PACSIN3: variants seen among roughly 807,000 people sequenced by gnomAD.
The protein encoded by PACSIN3 is protein kinase C and casein kinase substrate in neurons protein 3.
A neutral mutation model predicts 56.1 loss-of-function variants in PACSIN3; 34 were observed. That is an observed-to-expected ratio of 0.61 (90% CI 0.46 to 0.81). The LOEUF is 0.81. PACSIN3 is among the 30% of genes least tolerant of loss of function. The pLI, the probability that PACSIN3 is intolerant of heterozygous loss-of-function variation, is 0.00. For missense variants in PACSIN3, 535 were observed against 592.4 expected (o/e 0.90, Z 1.01); for synonymous variants, 218 against 229.8 (o/e 0.95, Z 0.46).
chr11:47,179,342 C>T lies in PACSIN3; in HGVS notation c.780-63G>A. On this transcript the variant is annotated intron_variant, in intron 7 of 10. Coordinates refer to ENST00000298838, the MANE Select transcript of PACSIN3 (RefSeq NM_016223.5). This position sits in a 1 kb window ranked among gnomAD's most constrained non-coding sequence, Gnocchi z 4.4. Reference sequence around the variant, plus strand: ...AGACCCTGCATCCCTCAGTCCCAGCCAGGGCCTCGGGGAGATGGAGGAGAC... The same window carrying T: ...AGACCCTGCATCCCTCAGTCCCAGCTAGGGCCTCGGGGAGATGGAGGAGAC... The T allele has an allele frequency of 5.6e-6, 9 of 1,613,438 alleles. No homozygotes were observed. The highest frequency in any genetic ancestry group is 1.1e-5 in the South Asian group (1 of 91,072).
Position 47,178,245 on chromosome 11 carries a change from T to C in PACSIN3, c.1159+121A>G. The C allele has an allele frequency of 7.1e-7, 1 of 1,400,566 alleles. No homozygotes were observed. Among genetic ancestry groups the C allele is most frequent in the South Asian group, 1.3e-5 (1 of 77,972 alleles). 86.8% of individuals were successfully genotyped at this position (1,400,566 alleles called of 1,614,324 possible). On this transcript the variant is annotated intron_variant, in intron 10 of 10. Coordinates refer to ENST00000298838, the MANE Select transcript of PACSIN3 (RefSeq NM_016223.5). This position sits in a 1 kb window ranked among gnomAD's most constrained non-coding sequence, Gnocchi z 4.2. ...CCACCAGGCACCAGCTATCTGGACC[T>C]GGAACAGCTGAAGGGACAGAGGACT...
rs759893619 is a variant in PACSIN3 at position 47,182,394 on chromosome 11, C to CT, written c.211+8dup. ...GCTGCCCTCTGCCCCCTGCGAGGGC[C>CT]TGGCTCACCCTTCTCCACGGTCCCC... On this transcript the variant is annotated intron_variant, in intron 4 of 10. Coordinates refer to ENST00000298838, the MANE Select transcript of PACSIN3 (RefSeq NM_016223.5). 4.4e-6 allele frequency: 7 copies of CT among 1,590,966 alleles called. No individual in the cohort carries two copies. In the South Asian group the frequency reaches 7.7e-5, roughly 18 times the overall value.
chr11:47,182,290 C>T, intron 4 of PACSIN3, 113 bp downstream of exon 4: 1 of 1,016,486 alleles, frequency 9.8e-7, no homozygotes, highest in Non-Finnish European at 1.4e-6. Context: ...TCTTCCCTTT[C>T]TAAGGGAGGG....
chr11:47,182,963 C>T (rs566552421), intron 2 of PACSIN3, 41 bp downstream of exon 2: 3 of 479,214 alleles, frequency 6.3e-6, no homozygotes, highest in South Asian at 7.5e-5. Context: ...AAAGCTCTTC[C>T]TCTCACTGCT....
intron 1 of PACSIN3, chr11:47,185,247 G>A (rs1197696301): frequency 6.6e-6 from 1 of 152,312 alleles, no homozygotes; most frequent in African/African-American, 2.4e-5. Flanking sequence ...CTGGTTCAGG[G>A]AAGACCCAGT....
chr11:47,179,262 C>T lies in PACSIN3; in HGVS notation c.797G>A (p.Arg266His), dbSNP rs373614899. The T allele has an allele frequency of 2.5e-6, 4 of 1,614,056 alleles. No homozygotes were observed. The highest frequency in any genetic ancestry group is 2.5e-6 in the Non-Finnish European group (3 of 1,180,036). The change falls in exon 8 of 11, where the codon CGT (arginine) becomes CAT (histidine). Residue 266 changes from arginine (R) to histidine (H), a missense_variant. By Grantham distance (29) the Arg-to-His change is conservative. Coordinates refer to ENST00000298838, the MANE Select transcript of PACSIN3 (RefSeq NM_016223.5). The surrounding 1 kb of genome is among the most constrained non-coding windows in gnomAD (Gnocchi z 4.4). ...TGCCTCAATGCCCTGGTGCAAGTCA[C>T]GGTGGAGTTCATGGAACCTATGACC... ...SSSEKFHELH[R>H]DLHQGIEAAS...
At position 47,180,474 on chromosome 11, in the gene PACSIN3, C is replaced by T; in HGVS notation, c.428G>A (p.Trp143Ter). The T allele has an allele frequency of 6.2e-7, 1 of 1,601,420 alleles. No homozygotes were observed. The highest frequency in any genetic ancestry group is 8.5e-7 in the Non-Finnish European group (1 of 1,176,540). ...CCTCACCTCCTTCAGCCTCTTCAGC[C>T]AGGGCTTCTGGGCCTTGCGGAAGCC... ...EDGFRKAQKP[W>*]LKRLKEVEAS... is the part of the protein sequence containing the mutation. Residue 143 changes from tryptophan to a stop codon, truncating the protein, a stop_gained, in exon 5 of 11, where the codon TGG becomes TAG. Coordinates refer to ENST00000298838, the MANE Select transcript of PACSIN3 (RefSeq NM_016223.5). LOFTEE classifies it high-confidence loss of function.
In PACSIN3 at chr11:47,178,592, GGA is replaced by G; in HGVS notation, c.1038-107_1038-106del. The G allele has an allele frequency of 1.4e-6, 2 of 1,412,540 alleles. No homozygotes were observed. Among genetic ancestry groups the G allele is most frequent in the South Asian group, 2.7e-5 (2 of 75,406 alleles). 87.5% of individuals were successfully genotyped at this position (1,412,540 alleles called of 1,614,324 possible). A position where few individuals can be genotyped will look rare whatever the true frequency, so the allele number is the denominator to read the frequency against. On this transcript the variant is annotated intron_variant, in intron 9 of 10. Transcript: ENST00000298838. The surrounding 1 kb of genome is among the most constrained non-coding windows in gnomAD (Gnocchi z 4.2). Reference sequence around the variant, plus strand: ...GCCTCCCTACCCCCAGAGGCACCTGGGAGAGTCAGGTGAGGTACTAAAGATTC... The same window carrying G: ...GCCTCCCTACCCCCAGAGGCACCTGGGAGTCAGGTGAGGTACTAAAGATTC...
rs900714826 is a variant in PACSIN3 at position 47,186,032 on chromosome 11, C to T, written c.-104+317G>A. On this transcript the variant is annotated intron_variant, in intron 1 of 10. Coordinates refer to ENST00000298838, the MANE Select transcript of PACSIN3 (RefSeq NM_016223.5). This position sits in a 1 kb window ranked among gnomAD's most constrained non-coding sequence, Gnocchi z 4.5. ...GCGAGGGATCGCCAGGGAGCGAGGACCCTCTGGGGCCTCGGGGCGGGCGCG... is the reference window on the plus strand; with the variant it reads ...GCGAGGGATCGCCAGGGAGCGAGGATCCTCTGGGGCCTCGGGGCGGGCGCG... Among the ~76,000 whole-genome samples the T allele has an allele frequency of 8.5e-5, 13 of 152,184 alleles. No individual in the cohort carries two copies. Among genetic ancestry groups the T allele is most frequent in the Admixed American group, 4.6e-4 (7 of 15,302 alleles).
Position 47,179,031 on chromosome 11 carries a change from CTG to C in PACSIN3, c.901-3_901-2del. 6.2e-7 allele frequency: 1 copy of C among 1,614,142 alleles called. No individual in the cohort carries two copies. Among genetic ancestry groups the C allele is most frequent in the South Asian group, 1.1e-5 (1 of 91,088 alleles). ...TCCTCTGTGTGTCCAAGGACCACTC[CTG>C]TGGGGACAGTGCTTATAGTCAGGTG... On this transcript the variant is annotated splice_acceptor_variant and splice_polypyrimidine_tract_variant and intron_variant, in intron 8 of 10. Coordinates refer to ENST00000298838, the MANE Select transcript of PACSIN3 (RefSeq NM_016223.5). LOFTEE classifies it high-confidence loss of function. The surrounding 1 kb of genome is among the most constrained non-coding windows in gnomAD (Gnocchi z 4.4).
Position 47,179,719 on chromosome 11 carries a change from G to C in PACSIN3, c.604-133C>G. 1.3e-6 allele frequency: 1 copy of C among 779,318 alleles called. No individual in the cohort carries two copies. Among genetic ancestry groups the C allele is most frequent in the Non-Finnish European group, 2.0e-6 (1 of 498,276 alleles). 48.3% of individuals were successfully genotyped at this position (779,318 alleles called of 1,614,324 possible). A position where few individuals can be genotyped will look rare whatever the true frequency, so the allele number is the denominator to read the frequency against. On this transcript the variant is annotated intron_variant, in intron 6 of 10. Transcript: ENST00000298838. The surrounding 1 kb of genome is among the most constrained non-coding windows in gnomAD (Gnocchi z 4.4). ...TAGGGGCAATCAGTCCCAAGACCCA[G>C]CTCCTGCCCTCAAGGACCCCAGCAG...
At position 47,180,547 on chromosome 11, in the gene PACSIN3, G is replaced by T. The variant is rs1953001791; in HGVS notation, c.355C>A (p.His119Asn). ...CGGAAGCCGCCCAGCACAGGCCGGT[G>T]GAAAGCCCCCCGCTGCCAGGCGCGC... ...RVRAWQRGAF[H>N]RPVLGGFRES... is the part of the protein sequence containing the mutation. The change falls in exon 5 of 11, where the codon CAC (histidine) becomes AAC (asparagine). Residue 119 changes from histidine (H) to asparagine (N), a missense_variant. Coordinates refer to ENST00000298838, the MANE Select transcript of PACSIN3 (RefSeq NM_016223.5). The T allele has an allele frequency of 6.2e-7, 1 of 1,604,006 alleles. No individual in the cohort carries two copies. Among genetic ancestry groups the T allele is most frequent in the Admixed American group, 1.7e-5 (1 of 59,998 alleles).
rs778019388 is a variant in PACSIN3, at chr11:47,182,579, G to T, written c.55-20C>A. 7 of 1,606,380 alleles carry T rather than the reference G, an allele frequency of 4.4e-6. No homozygotes were observed. In the East Asian group the frequency reaches 1.6e-4, roughly 36 times the overall value. On this transcript the variant is annotated intron_variant, in intron 3 of 10. Coordinates refer to ENST00000298838, the MANE Select transcript of PACSIN3 (RefSeq NM_016223.5). ...GCCAGCCTGGGCATACAGGAAAAGG[G>T]TGCCATCACCAGGGAGAAGCTTCCT...
chr11:47,181,531 C>T (rs1299490651), intron 4 of PACSIN3, among the ~76,000 whole-genome samples: 2 of 151,724 alleles, frequency 1.3e-5, no homozygotes, highest in African/African-American at 2.4e-5. Context: ...GTGGCTCATG[C>T]CTGTAATCCA....
chr11:47,185,217 C>A (rs1244335811), intron 1 of PACSIN3: 1 of 152,362 alleles, frequency 6.6e-6, no homozygotes, highest in African/African-American at 2.4e-5. Context: ...TGCAGCTGCA[C>A]GGGCCAAGGT....
Position 47,178,971 on chromosome 11 carries a change from A to T in PACSIN3, c.960T>A (p.Pro320=). The part of the protein sequence containing the change: ...ISRKEKGGRS[P]DEVTLTSIVP... ...CAATGCTGGTCAGGGTAACCTCATC[A>T]GGGCTCCGGCCACCCTTCTCTTTCC... is the stretch of plus-strand genomic sequence containing the variant. Residue 320 remains proline (P), a synonymous_variant, in exon 9 of 11, where the codon CCT becomes CCA. Coordinates refer to ENST00000298838, the MANE Select transcript of PACSIN3 (RefSeq NM_016223.5). This position sits in a 1 kb window ranked among gnomAD's most constrained non-coding sequence, Gnocchi z 4.2. 6.2e-7 allele frequency: 1 copy of T among 1,614,052 alleles called. No individual in the cohort carries two copies. Among genetic ancestry groups the T allele is most frequent in the Non-Finnish European group, 8.5e-7 (1 of 1,179,986 alleles).
intron 1 of PACSIN3, among the ~76,000 whole-genome samples, chr11:47,183,637 G>C (rs994321985): frequency 6.6e-6 from 1 of 152,212 alleles, no homozygotes; most frequent in Non-Finnish European, 1.5e-5. Context: ...GGCCCGCAAG[G>C]CTCCGTGGGG....
rs1053574727 is a variant in PACSIN3 at position 47,182,502 on chromosome 11, C to A, written c.112G>T (p.Asp38Tyr). ...RVEDGHRLCGDLVSCFQERAR... is the reference protein window; with the variant it reads ...RVEDGHRLCGYLVSCFQERAR... The stretch of plus-strand genomic sequence containing the variant: ...CGCTCCTGGAAGCAGCTGACCAGGT[C>A]CCCGCACAGCCGGTGCCCGTCCTCC... Residue 38 changes from aspartate to tyrosine, a missense_variant, in exon 4 of 11, where the codon GAC (aspartate) becomes TAC (tyrosine). Asp to Tyr is a radical substitution (Grantham distance 160). Coordinates refer to ENST00000298838, the MANE Select transcript of PACSIN3 (RefSeq NM_016223.5). The A allele has an allele frequency of 3.1e-6, 5 of 1,611,916 alleles. No individual in the cohort carries two copies. The highest frequency in any genetic ancestry group is 3.3e-5 in the Admixed American group (2 of 60,000).
At position 47,177,545 on chromosome 11, in the gene PACSIN3, G is replaced by GGT. The variant is rs1231758188; in HGVS notation, c.*384_*385dup. 4.6e-6 allele frequency: 1 copy of GGT among 217,856 alleles called. No homozygotes were observed. Among genetic ancestry groups the GGT allele is most frequent in the East Asian group, 1.4e-4 (1 of 7,372 alleles). 13.5% of individuals were successfully genotyped at this position (217,856 alleles called of 1,614,324 possible). ...AGTGGTGTTTTTGTTTTTGTGTGTG[G>GGT]GTGTGTGTCAAGTTTTAATACACGC... On this transcript the variant is annotated 3_prime_UTR_variant, in exon 11 of 11. Transcript: ENST00000298838.
Sources: gnomAD v4.1 joint callset for allele counts (sites outside exome capture counted in the v4.1 genomes callset) on GRCh38, gnomAD v4.1.1 for gene constraint, Gnocchi (gnomAD v3.1) non-coding constraint, MANE v1.5 for transcripts, NCBI Gene and HGNC (gene_info 2026-07-23, HGNC 2026-07-21) for gene names.